SLC25A40: variants seen among roughly 807,000 people sequenced by gnomAD.
SLC25A40 encodes solute carrier family 25 member 40, also known as mitochondrial glutathione transporter SLC25A40.
Under a neutral mutation model 46.5 loss-of-function variants are expected in SLC25A40, and 41 were observed. That is an observed-to-expected ratio of 0.88 (90% CI 0.69 to 1.14). SLC25A40 has a LOEUF of 1.14. Ranked by LOEUF, SLC25A40 falls within the 50% of genes most tolerant of loss-of-function variation. The probability of loss-of-function intolerance (pLI) is 0.00; values close to 1 mark genes in which losing one functional copy is unlikely to be tolerated. For missense variants in SLC25A40, 386 were observed against 393.6 expected (o/e 0.98, Z 0.16); for synonymous variants, 126 against 127.5 (o/e 0.99, Z 0.08).
rs1165203259 is a variant in SLC25A40, at chr7:87,834,756, AATG to A, written c.*1490_*1492del. 6.6e-6 allele frequency: 1 copy of A among 151,706 alleles called. No individual in the cohort carries two copies. 9.4% of individuals were successfully genotyped at this position (151,706 alleles called of 1,614,324 possible). ...TGTATATCACAGTATAGCATTATAC[AATG>A]ATTTTACGTAAAAATATTTAGAAGC... On this transcript the variant is annotated 3_prime_UTR_variant, in exon 12 of 12. Coordinates refer to ENST00000341119, the MANE Select transcript of SLC25A40 (RefSeq NM_018843.4).
chr7:87,847,357 C>T (rs185866861), intron 7 of SLC25A40, among the ~76,000 whole-genome samples: 63 of 152,192 alleles, frequency 4.1e-4, no homozygotes, highest in Non-Finnish European at 8.5e-4. Context: ...CTGGTTTCAA[C>T]TCTCTCAAGG....
At chr7:87,874,705 T>C (rs541198943) in intron 1 of SLC25A40, among the ~76,000 whole-genome samples, 1 of 152,354 alleles carries the variant, frequency 6.6e-6, no homozygotes, top group African/African-American at 2.4e-5. Context: ...AAAATGTTCA[T>C]TTAATCTTCA....
intron 8 of SLC25A40, 161 bp from the exon 9 acceptor site, chr7:87,844,024 T>C: frequency 1.0e-5 from 10 of 980,092 alleles, no homozygotes; most frequent in Non-Finnish European, 1.2e-5. Context: ...CTTTTTTTAA[T>C]GCAAAATTCT....
chr7:87,871,295 A>G (rs1019079443), intron 1 of SLC25A40, among the ~76,000 whole-genome samples: 13 of 152,252 alleles, frequency 8.5e-5, no homozygotes, highest in Non-Finnish European at 1.6e-4. Flanking sequence ...AACAGCCTCC[A>G]GATAATAGCA....
rs764864555 is a variant in SLC25A40, at chr7:87,841,616, AAATT to A, written c.823+13_823+16del. 5.7e-5 allele frequency: 80 copies of A among 1,411,054 alleles called. No homozygotes were observed. The highest frequency in any genetic ancestry group is 1.0e-4 in the Admixed American group (4 of 39,674). The allele number at this position is 1,411,054 out of a possible 1,614,324, so 87.4% of individuals were successfully genotyped here. A position where few individuals can be genotyped will look rare whatever the true frequency, so the allele number is the denominator to read the frequency against. On this transcript the variant is annotated intron_variant, in intron 10 of 11. Coordinates refer to ENST00000341119, the MANE Select transcript of SLC25A40 (RefSeq NM_018843.4). Reference sequence around the variant, plus strand: ...AAAAATGGCATCTTAAAAATATTTTAAATTAATTAAACTTACTTTTATGACTTTC... The same window carrying A: ...AAAAATGGCATCTTAAAAATATTTTAAATTAAACTTACTTTTATGACTTTC...
chr7:87,844,289 A>C (rs567844129), intron 8 of SLC25A40, among the ~76,000 whole-genome samples: 4 of 152,166 alleles, frequency 2.6e-5, no homozygotes, highest in African/African-American at 2.4e-5. Context: ...AAATCTTTAA[A>C]TGTCATATTA....
intron 3 of SLC25A40, among the ~76,000 whole-genome samples, chr7:87,857,992 G>C (rs907204035): frequency 1.3e-5 from 2 of 152,142 alleles, no homozygotes; most frequent in African/African-American, 4.8e-5. Flanking sequence ...CATTCCTGGT[G>C]GGAGGTCTAT....
intron 10 of SLC25A40, among the ~76,000 whole-genome samples, chr7:87,838,665 TTTC>T (rs1157900604): frequency 1.3e-5 from 2 of 151,546 alleles, no homozygotes; most frequent in African/African-American, 4.8e-5. Flanking sequence ...CATTCTCATC[TTTC>T]TTTTTTCATC....
chr7:87,869,948 C>T (rs1454558580), intron 1 of SLC25A40, among the ~76,000 whole-genome samples: 1 of 152,172 alleles, frequency 6.6e-6, no homozygotes, highest in Non-Finnish European at 1.5e-5. Context: ...TGCTTCACAT[C>T]CTTAACAACA....
At chr7:87,844,709 GA>G (rs532911200) in intron 8 of SLC25A40, among the ~76,000 whole-genome samples, 2 of 151,356 alleles carry the variant, frequency 1.3e-5, no homozygotes, top group Non-Finnish European at 2.9e-5. Context: ...CAAGCTAATA[GA>G]AAAAAATCAA....
intron 4 of SLC25A40, among the ~76,000 whole-genome samples, chr7:87,855,748 GTGTTTTCTGCCACT>G (rs1304646377): frequency 5.3e-5 from 8 of 152,166 alleles, no homozygotes; most frequent in African/African-American, 1.9e-4. Flanking sequence ...GTCCAAACAC[GTGTTTTCTGCCACT>G]TAAAATATGG....
intron 8 of SLC25A40, 54 bp from the exon 9 acceptor site, chr7:87,843,917 TAA>T (rs1453580223): frequency 9.6e-5 from 142 of 1,475,984 alleles, no homozygotes; most frequent in Admixed American, 4.8e-4. Context: ...ATGTGGACTT[TAA>T]TAAAAGAGTT....
intron 5 of SLC25A40, among the ~76,000 whole-genome samples, chr7:87,853,187 A>C (rs895323350): frequency 3.9e-5 from 6 of 152,222 alleles, no homozygotes; most frequent in Non-Finnish European, 5.9e-5. Context: ...AAGACATGAA[A>C]GCCTTTTTAC....
At chr7:87,857,089 A>G (rs1236336289) in intron 3 of SLC25A40, among the ~76,000 whole-genome samples, 2 of 152,196 alleles carry the variant, frequency 1.3e-5, no homozygotes, top group Admixed American at 6.5e-5. Flanking sequence ...ATGCTAAACT[A>G]TCACCTAACT....
intron 10 of SLC25A40, among the ~76,000 whole-genome samples, chr7:87,838,685 A>G (rs1838289933): frequency 6.6e-6 from 1 of 150,740 alleles, no homozygotes; most frequent in African/African-American, 2.4e-5. Context: ...CATCTTTCTC[A>G]TGCATTTGTT....
intron 10 of SLC25A40, among the ~76,000 whole-genome samples, chr7:87,841,133 ATGTGTGTG>A (rs561277692): frequency 4.9e-5 from 7 of 142,906 alleles, no homozygotes; most frequent in East Asian, 2.0e-4. Context: ...TAAAAACAAA[ATGTGTGTG>A]TGTGTGTGTG....
chr7:87,851,632 C>CT (rs1390084239), intron 5 of SLC25A40, among the ~76,000 whole-genome samples: 2 of 152,224 alleles, frequency 1.3e-5, no homozygotes, highest in African/African-American at 4.8e-5. Flanking sequence ...GACTACCCCA[C>CT]TACACCGTCA....
rs748627166 is a variant in SLC25A40 at position 87,854,267 on chromosome 7, A to T, written c.201T>A (p.Cys67Ter). 1.2e-6 allele frequency: 2 copies of T among 1,613,476 alleles called. No individual in the cohort carries two copies. The highest frequency in any genetic ancestry group is 1.7e-6 in the Non-Finnish European group (2 of 1,179,594). ...VYSNGLMDHL[C>*]VCEEGGNKLW... ...GTTTGTTGCCTCCCTCTTCACAGAC[A>T]CATAGATGATCCATGAGTCCATTAC... Residue 67 changes from cysteine (C) to a stop codon, truncating the protein, a stop_gained, in exon 5 of 12, where the codon TGT becomes TGA. Transcript: ENST00000341119. LOFTEE classifies it high-confidence loss of function.
intron 1 of SLC25A40, among the ~76,000 whole-genome samples, chr7:87,866,345 C>A (rs567722756): frequency 2.6e-5 from 4 of 152,150 alleles, no homozygotes; most frequent in African/African-American, 9.6e-5. Context: ...TCATTCAGCC[C>A]TTTAAAAATG....
Sources: gnomAD v4.1 joint callset for allele counts (sites outside exome capture counted in the v4.1 genomes callset) on GRCh38, gnomAD v4.1.1 for gene constraint, MANE v1.5 for transcripts, NCBI Gene and HGNC (gene_info 2026-07-23, HGNC 2026-07-21) for gene names.